CPED1: variants seen among roughly 807,000 people sequenced by gnomAD.
The protein encoded by CPED1 is cadherin like and PC-esterase domain containing 1.
Under a neutral mutation model 128.2 loss-of-function variants are expected in CPED1, and 114 were observed. The ratio of observed to expected loss-of-function variants is 0.89; its 90% CI spans 0.76 to 1.04. The LOEUF (loss-of-function observed/expected upper bound fraction) is 1.04, where lower values mean the gene tolerates loss of function less well. CPED1 is among the 50% of genes least tolerant of loss of function. CPED1 has a pLI of 0.00. For missense variants in CPED1, 1,211 were observed against 1,207.1 expected (o/e 1.00, Z -0.05); for synonymous variants, 462 against 426.7 (o/e 1.08, Z -1.02).
At chr7:121,261,854 G>A (rs1792025125) in intron 18 of CPED1, 23 of 776,834 alleles carry the variant, frequency 3.0e-5, no homozygotes, top group Admixed American at 9.1e-5. Flanking sequence ...CCTAATACAG[G>A]GACTATGCAA....
At chr7:121,055,402 A>G (rs112587934) in intron 4 of CPED1, among the ~76,000 whole-genome samples, 1,730 of 152,064 alleles carry the variant, frequency 0.011, 25 homozygotes, top group Middle Eastern at 0.034. Context: ...GTTACTTTAC[A>G]GTAAATTAAT....
At chr7:121,253,874 C>G (rs1490629901) in intron 18 of CPED1, among the ~76,000 whole-genome samples, 2 of 152,002 alleles carry the variant, frequency 1.3e-5, no homozygotes, top group Non-Finnish European at 2.9e-5. Flanking sequence ...ATTTAACTAT[C>G]TTAAATATTT....
chr7:121,180,912 G>A (rs1360371650), intron 16 of CPED1, among the ~76,000 whole-genome samples: 3 of 151,992 alleles, frequency 2.0e-5, no homozygotes, highest in Non-Finnish European at 4.4e-5. Flanking sequence ...TGACAGGATC[G>A]GATCAGGGTG....
rs1381040348 is a variant in CPED1 at position 121,266,220 on chromosome 7, C to G, written c.2311-7C>G. The G allele has an allele frequency of 6.3e-7, 1 of 1,599,826 alleles. No homozygotes were observed. Among genetic ancestry groups the G allele is most frequent in the African/African-American group, 1.3e-5 (1 of 74,672 alleles). On this transcript the variant is annotated splice_polypyrimidine_tract_variant and splice_region_variant and intron_variant, in intron 18 of 22. Transcript: ENST00000310396. Reference sequence around the variant, plus strand: ...TTTTAAACAAATGCTTTCTCTTTAACTTATAGATTCTGTTCATTGGAGATT... The same window carrying G: ...TTTTAAACAAATGCTTTCTCTTTAAGTTATAGATTCTGTTCATTGGAGATT...
At chr7:121,191,351 A>G (rs763508484) in intron 16 of CPED1, among the ~76,000 whole-genome samples, 43 of 152,144 alleles carry the variant, frequency 2.8e-4, no homozygotes, top group Non-Finnish European at 4.6e-4. Context: ...TAAGCATATT[A>G]GAGGAGGCTT....
intron 5 of CPED1, among the ~76,000 whole-genome samples, chr7:121,076,957 T>C (rs998165954): frequency 6.6e-6 from 1 of 152,074 alleles, no homozygotes; most frequent in Non-Finnish European, 1.5e-5. Context: ...GAGTCCCATA[T>C]AACCAAGAAA....
At chr7:121,207,691 G>A (rs2116583277) in intron 16 of CPED1, among the ~76,000 whole-genome samples, 1 of 152,136 alleles carries the variant, frequency 6.6e-6, no homozygotes, top group East Asian at 1.9e-4. Context: ...GCTATTGTCT[G>A]TGTACTGTGT....
At chr7:121,095,831 T>C (rs1794685864) in intron 5 of CPED1, among the ~76,000 whole-genome samples, 1 of 152,160 alleles carries the variant, frequency 6.6e-6, no homozygotes, top group Admixed American at 6.6e-5. Flanking sequence ...CTAGCTTCTT[T>C]AATGTCAAGT....
At chr7:121,021,632 T>C (rs1023104694) in intron 3 of CPED1, among the ~76,000 whole-genome samples, 15 of 151,938 alleles carry the variant, frequency 9.9e-5, no homozygotes, top group African/African-American at 3.6e-4. Flanking sequence ...AGTATAAGCA[T>C]TGAAGTAAGA....
At chr7:121,154,215 A>C (rs1796228467) in intron 16 of CPED1, among the ~76,000 whole-genome samples, 1 of 152,188 alleles carries the variant, frequency 6.6e-6, no homozygotes, top group Non-Finnish European at 1.5e-5. Context: ...CCATATGAGG[A>C]GTTTAACTCT....
intron 16 of CPED1, among the ~76,000 whole-genome samples, chr7:121,175,699 G>T (rs1341812071): frequency 2.0e-5 from 3 of 152,014 alleles, no homozygotes; most frequent in Non-Finnish European, 4.4e-5. Flanking sequence ...AATTGGAGAT[G>T]AATTATATTT....
At chr7:121,123,164 C>T (rs908538616) in intron 7 of CPED1, among the ~76,000 whole-genome samples, 1 of 152,104 alleles carries the variant, frequency 6.6e-6, no homozygotes, top group Non-Finnish European at 1.5e-5. Context: ...GGAAGAACAT[C>T]CCAATTGCCA....
chr7:121,134,597 T>G (rs748999666), intron 13 of CPED1, among the ~76,000 whole-genome samples: 22 of 152,104 alleles, frequency 1.4e-4, no homozygotes. Flanking sequence ...TTGAATGATC[T>G]CATCACAAAG....
chr7:121,092,606 A>G (rs1423855983), intron 5 of CPED1, among the ~76,000 whole-genome samples: 2 of 151,976 alleles, frequency 1.3e-5, no homozygotes, highest in African/African-American at 4.8e-5. Context: ...TGTAAACTTG[A>G]CTCTACCTTG....
chr7:121,248,805 T>C (rs574154367), intron 18 of CPED1, among the ~76,000 whole-genome samples: 1 of 152,116 alleles, frequency 6.6e-6, no homozygotes, highest in Non-Finnish European at 1.5e-5. Flanking sequence ...ATGAGTCCAC[T>C]AGCTTCTCAG....
intron 22 of CPED1, among the ~76,000 whole-genome samples, chr7:121,271,745 T>C (rs1562858406): frequency 6.6e-6 from 1 of 151,940 alleles, no homozygotes; most frequent in Non-Finnish European, 1.5e-5. Flanking sequence ...CCATCAGAAA[T>C]TGCATCCAAA....
intron 16 of CPED1, among the ~76,000 whole-genome samples, chr7:121,207,398 TTAAAG>T (rs1797545283): frequency 6.6e-6 from 1 of 152,056 alleles, no homozygotes; most frequent in African/African-American, 2.4e-5. Flanking sequence ...TCATTATAAC[TTAAAG>T]TAAAAAATGT....
chr7:121,108,101 A>C (rs1225600567), intron 7 of CPED1, among the ~76,000 whole-genome samples: 1 of 152,094 alleles, frequency 6.6e-6, no homozygotes, highest in Non-Finnish European at 1.5e-5. Flanking sequence ...CAATTACTGT[A>C]TTGCCCCCTA....
At chr7:121,291,604 C>G (rs189906637) in intron 22 of CPED1, among the ~76,000 whole-genome samples, 177 of 152,166 alleles carry the variant, frequency 1.2e-3, no homozygotes, top group Non-Finnish European at 2.1e-3. Context: ...CTCTGTTTGT[C>G]TATAATTGGT....
Sources: gnomAD v4.1 joint callset for allele counts (sites outside exome capture counted in the v4.1 genomes callset) on GRCh38, gnomAD v4.1.1 for gene constraint, MANE v1.5 for transcripts, NCBI Gene and HGNC (gene_info 2026-07-23, HGNC 2026-07-21) for gene names.